Variants in PPM1E observed in about 807,000 individuals in gnomAD.
PPM1E encodes the protein protein phosphatase, Mg2+/Mn2+ dependent 1E, also known as protein phosphatase 1E.
A neutral mutation model predicts 65.9 loss-of-function variants in PPM1E; 20 were observed. The observed-to-expected ratio is 0.30, with a 90% confidence interval of 0.21 to 0.44. PPM1E has a LOEUF of 0.44. Among genes scored for constraint, PPM1E ranks in the 20% least tolerant of loss-of-function variants. The probability of loss-of-function intolerance (pLI) is 1.00; values close to 1 mark genes in which losing one functional copy is unlikely to be tolerated. For missense variants in PPM1E, 713 were observed against 953.1 expected (o/e 0.75, Z 3.32); for synonymous variants, 352 against 374.9 (o/e 0.94, Z 0.70).
intron 3 of PPM1E, 36 bp from the exon 4 acceptor site, chr17:58,969,503 C>A: frequency 6.2e-7 from 1 of 1,605,632 alleles, no homozygotes; most frequent in Non-Finnish European, 8.5e-7. Context: ...CATGCTATAC[C>A]CAACTCCCAT....
chr17:58,767,039 A>G (rs968192431), intron 1 of PPM1E, among the ~76,000 whole-genome samples: 2 of 152,132 alleles, frequency 1.3e-5, no homozygotes, highest in Non-Finnish European at 2.9e-5. Context: ...TTTGCCCAGG[A>G]TATTCTCTCA....
chr17:58,834,791 A>G lies in PPM1E; in HGVS notation c.464+78330A>G, dbSNP rs573068835. Among the ~76,000 whole-genome samples, 5 of 152,154 alleles carry G rather than the reference A, an allele frequency of 3.3e-5. No individual in the cohort carries two copies. The South Asian group carries it at 8.3e-4, about 25-fold the overall frequency. On this transcript the variant is annotated intron_variant, in intron 1 of 6. Coordinates refer to ENST00000308249, the MANE Select transcript of PPM1E (RefSeq NM_014906.5). The stretch of plus-strand genomic sequence containing the variant: ...ACGACCGTTTAACTGTTGTGCCTCT[A>G]TAGTAAGTCTTTAAAAAGCTAATGT...
intron 1 of PPM1E, among the ~76,000 whole-genome samples, chr17:58,800,092 C>T (rs1463943695): frequency 1.3e-5 from 2 of 151,968 alleles, no homozygotes. Context: ...TCTTTCAATC[C>T]ATGAACATTA....
At chr17:58,864,785 A>C (rs544663389) in intron 1 of PPM1E, among the ~76,000 whole-genome samples, 1 of 151,674 alleles carries the variant, frequency 6.6e-6, no homozygotes, top group African/African-American at 2.4e-5. Context: ...AAAATACAAA[A>C]ATTAGCCGGG....
At chr17:58,919,678 C>G (rs142543337) in intron 1 of PPM1E, among the ~76,000 whole-genome samples, 1 of 151,660 alleles carries the variant, frequency 6.6e-6, no homozygotes, top group African/African-American at 2.4e-5. Context: ...TTCCAGCTAC[C>G]CAGGAGGCTG....
intron 1 of PPM1E, among the ~76,000 whole-genome samples, chr17:58,851,191 G>A (rs185458196): frequency 6.6e-6 from 1 of 152,214 alleles, no homozygotes; most frequent in East Asian, 1.9e-4. Flanking sequence ...CTTTTTTCAA[G>A]GTTTTTAGCT....
intron 1 of PPM1E, among the ~76,000 whole-genome samples, chr17:58,816,774 A>T (rs1598589036): frequency 5.1e-4 from 7 of 13,828 alleles, no homozygotes; most frequent in African/African-American, 1.0e-3. Context: ...ATATATATAT[A>T]TATATATATA....
At chr17:58,852,301 G>A (rs565415411) in intron 1 of PPM1E, among the ~76,000 whole-genome samples, 22 of 152,292 alleles carry the variant, frequency 1.4e-4, no homozygotes, top group Admixed American at 5.2e-4. Flanking sequence ...GATGAACCCA[G>A]TACCTCAGTT....
intron 1 of PPM1E, among the ~76,000 whole-genome samples, chr17:58,927,332 C>T (rs966559753): frequency 1.5e-4 from 23 of 151,746 alleles, no homozygotes; most frequent in African/African-American, 4.8e-4. Flanking sequence ...GGGATTTCAC[C>T]GTGTCAGTCA....
chr17:58,898,610 A>G (rs1455052393), intron 1 of PPM1E, among the ~76,000 whole-genome samples: 1 of 152,194 alleles, frequency 6.6e-6, no homozygotes, highest in East Asian at 1.9e-4. Context: ...ACGATTCCTC[A>G]AGGATCTAGA....
chr17:58,769,664 A>G (rs370313072), intron 1 of PPM1E, among the ~76,000 whole-genome samples: 10 of 152,244 alleles, frequency 6.6e-5, no homozygotes, highest in African/African-American at 2.4e-4. Flanking sequence ...TTTAGTTTGC[A>G]ATCTGTATTA....
At chr17:58,816,792 A>AT (rs2050428997) in intron 1 of PPM1E, among the ~76,000 whole-genome samples, 2 of 8,926 alleles carry the variant, frequency 2.2e-4, no homozygotes, top group Admixed American at 1.7e-3. Context: ...ATATATATAT[A>AT]TATTTTTTTT....
intron 1 of PPM1E, among the ~76,000 whole-genome samples, chr17:58,781,912 G>T (rs2050054308): frequency 6.6e-6 from 1 of 152,008 alleles, no homozygotes; most frequent in South Asian, 2.1e-4. Flanking sequence ...AAAATAAAAT[G>T]CAGTGATTTT....
chr17:58,831,425 G>T (rs1045874237), intron 1 of PPM1E, among the ~76,000 whole-genome samples: 1 of 152,148 alleles, frequency 6.6e-6, no homozygotes, highest in African/African-American at 2.4e-5. Context: ...TTAGTAAGGT[G>T]ATTTACTTCA....
chr17:58,785,483 TATATATAG>T (rs1263858017), intron 1 of PPM1E: 5 of 119,568 alleles, frequency 4.2e-5, no homozygotes, highest in African/African-American at 1.5e-4. Flanking sequence ...TATATATATA[TATATATAG>T]TAGAACCAGG....
intron 1 of PPM1E, among the ~76,000 whole-genome samples, chr17:58,927,089 A>G (rs1486818567): frequency 6.9e-6 from 1 of 145,320 alleles, no homozygotes; most frequent in African/African-American, 2.5e-5. Context: ...TCATTTTTAT[A>G]CTTTAGAGAT....
chr17:58,945,734 A>C (rs776951948), intron 1 of PPM1E, among the ~76,000 whole-genome samples: 1 of 152,180 alleles, frequency 6.6e-6, no homozygotes, highest in Non-Finnish European at 1.5e-5. Context: ...AAATTCAGGG[A>C]AACATTCACT....
chr17:58,779,762 T>G (rs2050033649), intron 1 of PPM1E, among the ~76,000 whole-genome samples: 1 of 152,198 alleles, frequency 6.6e-6, no homozygotes, highest in Admixed American at 6.5e-5. Context: ...ATCAGTTTGT[T>G]GTATATTTTT....
intron 1 of PPM1E, among the ~76,000 whole-genome samples, chr17:58,869,772 T>C (rs1251466565): frequency 6.6e-6 from 1 of 152,168 alleles, no homozygotes; most frequent in African/African-American, 2.4e-5. Flanking sequence ...TTTGAAAAAC[T>C]AAGGGGATAG....
Sources: gnomAD v4.1 joint callset for allele counts (sites outside exome capture counted in the v4.1 genomes callset) on GRCh38, gnomAD v4.1.1 for gene constraint, MANE v1.5 for transcripts, NCBI Gene and HGNC (gene_info 2026-07-23, HGNC 2026-07-21) for gene names.